DCC: variants seen among roughly 807,000 people sequenced by gnomAD.
The protein encoded by DCC is DCC netrin 1 receptor.
Under a neutral mutation model 172.5 loss-of-function variants are expected in DCC, and 58 were observed. That is an observed-to-expected ratio of 0.34 (90% confidence interval 0.27 to 0.42). DCC has a LOEUF of 0.42. DCC is among the 10% of genes least tolerant of loss of function. The pLI is 1.00. For synonymous variants in DCC, 709 were observed against 644.5 expected (o/e 1.10, Z -1.52); for missense variants, 1,740 against 1,791.0 (o/e 0.97, Z 0.51).
intron 1 of DCC, among the ~76,000 whole-genome samples, chr18:52,635,183 T>C (rs2034750523): frequency 6.6e-6 from 1 of 152,216 alleles, no homozygotes; most frequent in Admixed American, 6.5e-5. Context: ...ATGTTATAGC[T>C]ATTCTTCTTT....
At chr18:52,917,958 C>A (rs530772946) in intron 3 of DCC, among the ~76,000 whole-genome samples, 7 of 149,438 alleles carry the variant, frequency 4.7e-5, no homozygotes, top group Non-Finnish European at 7.5e-5. Context: ...GATTTTAATA[C>A]CAAAATTTGA....
At chr18:53,016,065 T>TC (rs1247406074) in intron 5 of DCC, among the ~76,000 whole-genome samples, 1 of 152,112 alleles carries the variant, frequency 6.6e-6, no homozygotes, top group East Asian at 1.9e-4. Flanking sequence ...CAAAAACATG[T>TC]CACTTTTGAG....
rs146861209 is a variant in DCC at position 53,346,594 on chromosome 18, A to G, written c.2359+6687A>G. On this transcript the variant is annotated intron_variant, in intron 15 of 28. Coordinates refer to ENST00000442544, the MANE Select transcript of DCC (RefSeq NM_005215.4). Reference sequence around the variant, plus strand: ...AGGCTCATATGGTAAAGGTCATTATATTTTAAAACATTGTCCTCTTTTTAA... The same window carrying G: ...AGGCTCATATGGTAAAGGTCATTATGTTTTAAAACATTGTCCTCTTTTTAA... 4.6e-5 allele frequency among the ~76,000 whole-genome samples: 7 copies of G among 152,224 alleles called. No homozygotes were observed. In the East Asian group the frequency reaches 1.2e-3, roughly 25 times the overall value.
rs1909737289 is a variant in DCC, at chr18:53,407,539, A to ATATG, written c.2936-2910_2936-2909insGTAT. On this transcript the variant is annotated intron_variant, in intron 19 of 28. Coordinates refer to ENST00000442544, the MANE Select transcript of DCC (RefSeq NM_005215.4). ...TGATTTTTATTCTGGATATATATAT[A>ATATG]TATATATATATATATATTCACTATT... Among the ~76,000 whole-genome samples, 4 of 145,296 alleles carry ATATG rather than the reference A, an allele frequency of 2.8e-5. No individual in the cohort carries two copies. The South Asian group carries it at 8.7e-4, about 32-fold the overall frequency.
chr18:53,369,215 T>C (rs952837100), intron 15 of DCC, among the ~76,000 whole-genome samples: 1 of 151,960 alleles, frequency 6.6e-6, no homozygotes, highest in Non-Finnish European at 1.5e-5. Context: ...ATGCTTTTTG[T>C]AATTTCTTTT....
chr18:52,761,235 ATC>A (rs1247145477), intron 2 of DCC, among the ~76,000 whole-genome samples: 3 of 152,230 alleles, frequency 2.0e-5, no homozygotes, highest in Admixed American at 6.5e-5. Context: ...AAACCATCAC[ATC>A]TTGTGAGAGT....
At chr18:52,576,574 A>T (rs1385637564) in intron 1 of DCC, among the ~76,000 whole-genome samples, 1 of 152,180 alleles carries the variant, frequency 6.6e-6, no homozygotes, top group African/African-American at 2.4e-5. Context: ...TCACGCCTGT[A>T]ATCCCAGCAG....
chr18:53,193,137 C>G (rs2055391239), intron 9 of DCC, among the ~76,000 whole-genome samples: 1 of 152,198 alleles, frequency 6.6e-6, no homozygotes, highest in Non-Finnish European at 1.5e-5. Flanking sequence ...CTTCAATTCA[C>G]TGTCTGTGTA....
At chr18:52,673,523 TAG>T (rs1489425992) in intron 1 of DCC, among the ~76,000 whole-genome samples, 1 of 152,224 alleles carries the variant, frequency 6.6e-6, no homozygotes, top group Admixed American at 6.5e-5. Context: ...AAATACATGA[TAG>T]TCGCATGGTT....
At chr18:52,978,076 T>C (rs1255164083) in intron 5 of DCC, among the ~76,000 whole-genome samples, 1 of 151,824 alleles carries the variant, frequency 6.6e-6, no homozygotes, top group African/African-American at 2.4e-5. Context: ...GGGGGTGGCA[T>C]GATACTGAAC....
chr18:52,920,175 T>C (rs544765192), intron 3 of DCC, among the ~76,000 whole-genome samples: 1 of 152,166 alleles, frequency 6.6e-6, no homozygotes, highest in Non-Finnish European at 1.5e-5. Flanking sequence ...TTTCTAGGTA[T>C]AACGTCTAAA....
chr18:52,954,065 T>C (rs2040702113), intron 5 of DCC, among the ~76,000 whole-genome samples: 1 of 152,224 alleles, frequency 6.6e-6, no homozygotes, highest in South Asian at 2.1e-4. Flanking sequence ...TTACTACAGC[T>C]TTCACATCAC....
At chr18:53,426,945 G>A (rs1911010337) in intron 21 of DCC, among the ~76,000 whole-genome samples, 1 of 152,118 alleles carries the variant, frequency 6.6e-6, no homozygotes, top group Non-Finnish European at 1.5e-5. Flanking sequence ...TAGTCACTTG[G>A]AGGAGAGAAC....
At chr18:52,987,430 G>A (rs184122364) in intron 5 of DCC, among the ~76,000 whole-genome samples, 2 of 152,160 alleles carry the variant, frequency 1.3e-5, no homozygotes, top group East Asian at 3.9e-4. Context: ...TTTTTACAAC[G>A]TAAGACCATC....
intron 26 of DCC, among the ~76,000 whole-genome samples, chr18:53,490,600 G>A (rs2045950342): frequency 6.6e-6 from 1 of 152,166 alleles, no homozygotes; most frequent in Non-Finnish European, 1.5e-5. Context: ...TCGATACTCT[G>A]AATTGCAGAG....
intron 1 of DCC, among the ~76,000 whole-genome samples, chr18:52,617,485 C>A (rs563021966): frequency 6.6e-6 from 1 of 152,230 alleles, no homozygotes; most frequent in Admixed American, 6.5e-5. Context: ...GAGATGAGGA[C>A]ACAGGACATT....
intron 9 of DCC, among the ~76,000 whole-genome samples, chr18:53,190,259 C>T (rs1317338535): frequency 6.6e-6 from 1 of 152,162 alleles, no homozygotes; most frequent in Non-Finnish European, 1.5e-5. Context: ...TGGCCTGAAA[C>T]AGTAATTGTG....
At chr18:53,327,915 A>C (rs1313770539) in intron 14 of DCC, among the ~76,000 whole-genome samples, 1 of 152,186 alleles carries the variant, frequency 6.6e-6, no homozygotes, top group Non-Finnish European at 1.5e-5. Context: ...ATTTATGATA[A>C]TTGACAGATA....
rs1454857334 is a variant in DCC, at chr18:52,635,256, C to T, written c.92-116798C>T. 1.3e-5 allele frequency among the ~76,000 whole-genome samples: 2 copies of T among 152,204 alleles called. 1 individual carries two copies. The highest frequency in any genetic ancestry group is 4.8e-5 in the African/African-American group (2 of 41,456). On this transcript the variant is annotated intron_variant, in intron 1 of 28. Coordinates refer to ENST00000442544, the MANE Select transcript of DCC (RefSeq NM_005215.4). The stretch of plus-strand genomic sequence containing the variant: ...AACTCAAAAATCTCTGCAAATATTG[C>T]TTTCCATAGCTTCACAACAGTCCTT...
Sources: allele counts gnomAD v4.1 joint callset (sites outside exome capture counted in the v4.1 genomes callset), GRCh38; gene constraint gnomAD v4.1.1; transcripts MANE v1.5; gene names NCBI Gene and HGNC (gene_info 2026-07-23, HGNC 2026-07-21).